RAD21: variants seen among roughly 807,000 people sequenced by gnomAD.
RAD21 encodes the protein double-strand-break repair protein rad21 homolog.
In RAD21, 18 loss-of-function variants were observed where a neutral mutation model predicts 71.5. The observed-to-expected ratio is 0.25, with a 90% CI of 0.17 to 0.37. The LOEUF (loss-of-function observed/expected upper bound fraction) is 0.37, where lower values mean the gene tolerates loss of function less well. Ranked by LOEUF, RAD21 falls within the 10% of genes least tolerant of loss-of-function variation. The pLI is 1.00. For missense variants in RAD21, 493 were observed against 769.1 expected (o/e 0.64, Z 4.25); for synonymous variants, 248 against 254.0 (o/e 0.98, Z 0.22).
At chr8:116,868,512 C>T (rs1812743689) in intron 1 of RAD21, among the ~76,000 whole-genome samples, 1 of 151,894 alleles carries the variant, frequency 6.6e-6, no homozygotes, top group South Asian at 2.1e-4. Flanking sequence ...GACAACTGTC[C>T]CGAATGTGAC....
chr8:116,847,500 T>C lies in RAD21; in HGVS notation c.1896A>G (p.Ter632=). Reference sequence around the variant, plus strand: ...CACTAGCTATAATGCTTCTAGCTCCTTATATAATATGGAACCTTGGTCCAG... The same window carrying C: ...CACTAGCTATAATGCTTCTAGCTCCCTATATAATATGGAACCTTGGTCCAG... ...ATPGPRFHII[*] is the part of the protein sequence containing the mutation. Residue 632 remains the stop codon, a stop_retained_variant, in exon 14 of 14, where the codon TAA becomes TAG. Coordinates refer to ENST00000297338, the MANE Select transcript of RAD21 (RefSeq NM_006265.3). 1 of 1,605,672 alleles carries C rather than the reference T, an allele frequency of 6.2e-7. No individual in the cohort carries two copies. The highest frequency in any genetic ancestry group is 8.5e-7 in the Non-Finnish European group (1 of 1,176,282).
At chr8:116,867,769 T>TA (rs370509834) in intron 1 of RAD21, among the ~76,000 whole-genome samples, 5 of 152,326 alleles carry the variant, frequency 3.3e-5, no homozygotes, top group African/African-American at 1.2e-4. Flanking sequence ...CAGGGAGTCA[T>TA]AGATAGCAGG....
chr8:116,873,042 T>C (rs773542711), intron 1 of RAD21, among the ~76,000 whole-genome samples: 1 of 152,234 alleles, frequency 6.6e-6, no homozygotes, highest in Non-Finnish European at 1.5e-5. Flanking sequence ...ATAGTGCCAC[T>C]GCTGATGCGA....
intron 1 of RAD21, among the ~76,000 whole-genome samples, chr8:116,872,541 C>CAT (rs990366167): frequency 1.5e-4 from 12 of 78,814 alleles, no homozygotes; most frequent in East Asian, 8.2e-4. Context: ...TATATACATA[C>CAT]ACACACACAC....
chr8:116,848,897 G>T, intron 13 of RAD21, 49 bp downstream of exon 13: 2 of 1,497,040 alleles, frequency 1.3e-6, no homozygotes, highest in South Asian at 1.3e-5. Context: ...GGGAACAATG[G>T]CAAAAGCCTT....
At chr8:116,866,491 C>A in intron 2 of RAD21, 95 bp downstream of exon 2, 1 of 1,184,364 alleles carries the variant, frequency 8.4e-7, no homozygotes, top group Non-Finnish European at 1.2e-6. Context: ...CCTTGCACTC[C>A]AATGCCCCTA....
Position 116,866,795 on chromosome 8 carries a change from A to T in RAD21, c.-32-34T>A, listed in dbSNP as rs927707631. ...GGAAAAAAAAGTTAATGTAAACATC[A>T]TCTGACAATTTAAATACTTATCAAG... On this transcript the variant is annotated intron_variant, in intron 1 of 13. Coordinates refer to ENST00000297338, the MANE Select transcript of RAD21 (RefSeq NM_006265.3). The T allele has an allele frequency of 8.4e-6, 12 of 1,423,568 alleles. No homozygotes were observed. In the Admixed American group the frequency reaches 1.8e-4, roughly 22 times the overall value. The allele number at this position is 1,423,568 out of a possible 1,614,324, so 88.2% of individuals were successfully genotyped here.
Position 116,846,281 on chromosome 8 carries a change from G to T in RAD21, c.*1219C>A, listed in dbSNP as rs1048834850. Reference sequence around the variant, plus strand: ...TTATTGGGTATACACTGAAGTCTGAGTTTCAAAAGTGATTTTTTTTTCCCA... The same window carrying T: ...TTATTGGGTATACACTGAAGTCTGATTTTCAAAAGTGATTTTTTTTTCCCA... On this transcript the variant is annotated 3_prime_UTR_variant, in exon 14 of 14. Transcript: ENST00000297338. The T allele has an allele frequency of 3.9e-5, 9 of 230,686 alleles. No homozygotes were observed. The Admixed American group carries it at 4.5e-4, about 12-fold the overall frequency. The allele number at this position is 230,686 out of a possible 1,614,324, so 14.3% of individuals were successfully genotyped here.
At chr8:116,863,078 A>G in intron 3 of RAD21, 52 bp downstream of exon 3, 3 of 1,550,096 alleles carry the variant, frequency 1.9e-6, no homozygotes, top group African/African-American at 1.4e-5. Flanking sequence ...AAAAAACATG[A>G]GAAACTCCAA....
chr8:116,856,602 TGCC>T (rs774496145), intron 7 of RAD21, 41 bp downstream of exon 7: 1 of 1,526,904 alleles, frequency 6.5e-7, no homozygotes, highest in Non-Finnish European at 8.8e-7. Flanking sequence ...TCTTTCTGGA[TGCC>T]ATACAATCAT....
intron 2 of RAD21, among the ~76,000 whole-genome samples, chr8:116,866,097 AC>A (rs1405055738): frequency 6.6e-6 from 1 of 152,002 alleles, no homozygotes; most frequent in African/African-American, 2.4e-5. Flanking sequence ...TGCCTACTCA[AC>A]CCTCCATTCT....
At position 116,866,774 on chromosome 8, in the gene RAD21, A is replaced by G; in HGVS notation, c.-32-13T>C. Reference sequence around the variant, plus strand: ...AACAGAAGAAAACCTAAGAGGGGAAAAAAAAGTTAATGTAAACATCATCTG... The same window carrying G: ...AACAGAAGAAAACCTAAGAGGGGAAGAAAAAGTTAATGTAAACATCATCTG... On this transcript the variant is annotated splice_polypyrimidine_tract_variant and intron_variant, in intron 1 of 13. Transcript: ENST00000297338. 6.6e-7 allele frequency: 1 copy of G among 1,510,528 alleles called. No homozygotes were observed. The highest frequency in any genetic ancestry group is 1.4e-5 in the African/African-American group (1 of 71,596). 93.6% of individuals were successfully genotyped at this position (1,510,528 alleles called of 1,614,324 possible).
At chr8:116,871,334 A>AT (rs1178559623) in intron 1 of RAD21, among the ~76,000 whole-genome samples, 3 of 152,134 alleles carry the variant, frequency 2.0e-5, no homozygotes, top group Admixed American at 2.0e-4. Flanking sequence ...TTTGAGAATC[A>AT]TTTTTTTCTA....
intron 2 of RAD21, among the ~76,000 whole-genome samples, chr8:116,865,064 C>T (rs1026784723): frequency 2.0e-5 from 3 of 152,074 alleles, no homozygotes; most frequent in African/African-American, 2.4e-5. Flanking sequence ...ATTTCAGGCC[C>T]GTTCACTCTG....
rs1287318387 is a variant in RAD21, at chr8:116,852,250, C to T, written c.1322-154G>A. The T allele has an allele frequency of 9.4e-6, 7 of 744,796 alleles. No homozygotes were observed. In the South Asian group the frequency reaches 1.7e-4, roughly 18 times the overall value. The allele number at this position is 744,796 out of a possible 1,614,324, so 46.1% of individuals were successfully genotyped here. ...AATTTTAGCTCCATAAAGATTTACTCAATTTTTAGCAATATACGTAAAGGG... is the reference window on the plus strand; with the variant it reads ...AATTTTAGCTCCATAAAGATTTACTTAATTTTTAGCAATATACGTAAAGGG... On this transcript the variant is annotated intron_variant, in intron 10 of 13. Coordinates refer to ENST00000297338, the MANE Select transcript of RAD21 (RefSeq NM_006265.3).
chr8:116,868,026 C>A (rs6993568), intron 1 of RAD21, among the ~76,000 whole-genome samples: 4,470 of 152,212 alleles, frequency 0.029, 91 homozygotes, highest in Middle Eastern at 0.078. Context: ...ACCACCTGTT[C>A]TACATTTCTA....
intron 1 of RAD21, among the ~76,000 whole-genome samples, chr8:116,868,938 C>T (rs1452917464): frequency 6.7e-6 from 1 of 150,328 alleles, no homozygotes; most frequent in Admixed American, 6.6e-5. Flanking sequence ...ACGCACACAC[C>T]CCCCACAAAA....
chr8:116,850,420 A>C (rs1241316531), intron 12 of RAD21, among the ~76,000 whole-genome samples, 198 bp downstream of exon 12: 2 of 152,188 alleles, frequency 1.3e-5, no homozygotes, highest in Non-Finnish European at 1.5e-5. Context: ...AAGAGAGCCA[A>C]TGAGTTACAG....
rs774786550 is a variant in RAD21 at position 116,863,197 on chromosome 8, C to T, written c.207G>A (p.Arg69=). 5.0e-6 allele frequency: 8 copies of T among 1,612,212 alleles called. No individual in the cohort carries two copies. Among genetic ancestry groups the T allele is most frequent in the Non-Finnish European group, 6.8e-6 (8 of 1,178,668 alleles). The part of the protein sequence containing the change: ...LLLGVVRIYH[R]KAKYLLADCN... The stretch of plus-strand genomic sequence containing the variant: ...AGTCTGCAAGAAGGTATTTGGCTTT[C>T]CTGTGATAGATTCGAACTACTCCCA... The change falls in exon 3 of 14, where the codon AGG becomes AGA. Residue 69 remains arginine (R), a synonymous_variant. Coordinates refer to ENST00000297338, the MANE Select transcript of RAD21 (RefSeq NM_006265.3).
Sources: allele counts gnomAD v4.1 joint callset (sites outside exome capture counted in the v4.1 genomes callset), GRCh38; gene constraint gnomAD v4.1.1; transcripts MANE v1.5; gene names NCBI Gene and HGNC (gene_info 2026-07-23, HGNC 2026-07-21).